Variants in NRXN3 observed in about 807,000 individuals in gnomAD.
NRXN3 encodes the protein neurexin 3, also known as neurexin III.
Under a neutral mutation model 137.6 loss-of-function variants are expected in NRXN3, and 32 were observed. The observed-to-expected ratio is 0.23, with a 90% confidence interval of 0.18 to 0.31. The LOEUF is 0.31. NRXN3 is among the 10% of genes least tolerant of loss of function. NRXN3 has a pLI of 1.00. For missense variants in NRXN3, 1,574 were observed against 2,062.5 expected, an observed-to-expected ratio of 0.76 and a Z score of 4.59; for synonymous variants, 798 against 784.5, an observed-to-expected ratio of 1.02 and a Z score of -0.29.
intron 15 of NRXN3, among the ~76,000 whole-genome samples, chr14:79,318,915 G>A (rs973204207): frequency 6.6e-6 from 1 of 151,906 alleles, no homozygotes; most frequent in African/African-American, 2.4e-5. Context: ...CTTCCTTGTG[G>A]TTCATACCCT....
At chr14:78,187,809 G>A (rs2060368743) in intron 1 of NRXN3, among the ~76,000 whole-genome samples, 3 of 148,658 alleles carry the variant, frequency 2.0e-5, no homozygotes, top group Admixed American at 6.7e-5. Context: ...GAGGTTGGGT[G>A]GGGATGTGGG....
intron 16 of NRXN3, among the ~76,000 whole-genome samples, chr14:79,490,087 G>A (rs943149807): frequency 2.7e-5 from 4 of 145,922 alleles, no homozygotes; most frequent in Non-Finnish European, 6.0e-5. Context: ...TCATTAGAAA[G>A]CTCCAAGTGA....
intron 16 of NRXN3, among the ~76,000 whole-genome samples, chr14:79,504,977 G>C (rs113002204): frequency 1.3e-5 from 2 of 152,132 alleles, no homozygotes; most frequent in Non-Finnish European, 2.9e-5. Flanking sequence ...CACTTTGGGA[G>C]GCCCAGGTGG....
intron 10 of NRXN3, among the ~76,000 whole-genome samples, chr14:78,874,965 AG>A (rs1371721776): frequency 2.0e-5 from 3 of 152,202 alleles, no homozygotes; most frequent in Non-Finnish European, 4.4e-5. Context: ...GACTTTAGAG[AG>A]GACAGACTTG....
At chr14:78,290,205 T>G (rs1268046960) in intron 3 of NRXN3, among the ~76,000 whole-genome samples, 1 of 152,236 alleles carries the variant, frequency 6.6e-6, no homozygotes, top group South Asian at 2.1e-4. Flanking sequence ...AGGATTGCAC[T>G]TAAGTGCCAA....
intron 15 of NRXN3, among the ~76,000 whole-genome samples, chr14:79,420,123 G>T (rs1011924338): frequency 4.7e-4 from 72 of 152,148 alleles, no homozygotes; most frequent in African/African-American, 1.7e-3. Flanking sequence ...TAGGAACTGA[G>T]AATGCAAATA....
intron 15 of NRXN3, among the ~76,000 whole-genome samples, chr14:78,995,502 CT>C (rs1366629887): frequency 5.9e-5 from 9 of 152,112 alleles, no homozygotes; most frequent in Admixed American, 5.2e-4. Context: ...AATTACAGTG[CT>C]TCTAAAGTGC....
intron 10 of NRXN3, among the ~76,000 whole-genome samples, chr14:78,818,765 C>T (rs1286666096): frequency 6.6e-6 from 1 of 152,100 alleles, no homozygotes; most frequent in Admixed American, 6.6e-5. Context: ...ATTTATACTG[C>T]AAATTTCCAA....
chr14:79,124,846 C>G (rs1183230191), intron 15 of NRXN3, among the ~76,000 whole-genome samples: 1 of 151,984 alleles, frequency 6.6e-6, no homozygotes, highest in Non-Finnish European at 1.5e-5. Flanking sequence ...AGCAATGATT[C>G]TCTAAATTTT....
Position 79,263,774 on chromosome 14 carries a change from A to G in NRXN3, c.3263-203447A>G, listed in dbSNP as rs1282125504. ...CAAAGTAAATTGAATATAGTTTTGG[A>G]AAGGAGTTTTTATCTTATCCTACCA... On this transcript the variant is annotated intron_variant, in intron 15 of 20. Transcript: ENST00000335750. 2.6e-5 allele frequency among the ~76,000 whole-genome samples: 4 copies of G among 152,172 alleles called. 1 individual carries two copies. Among genetic ancestry groups the G allele is most frequent in the South Asian group, 4.1e-4 (2 of 4,828 alleles).
chr14:78,210,735 T>C (rs2153411431), intron 1 of NRXN3, among the ~76,000 whole-genome samples: 1 of 152,342 alleles, frequency 6.6e-6, no homozygotes, highest in African/African-American at 2.4e-5. Flanking sequence ...TTATGGACTT[T>C]TCTGTTTCCA....
At chr14:79,519,110 T>C (rs190968126) in intron 16 of NRXN3, among the ~76,000 whole-genome samples, 2 of 152,260 alleles carry the variant, frequency 1.3e-5, no homozygotes, top group African/African-American at 4.8e-5. Context: ...ATTTCATCAA[T>C]GGAAATGAAT....
chr14:78,620,397 C>T (rs1269131585), intron 4 of NRXN3, among the ~76,000 whole-genome samples: 1 of 152,116 alleles, frequency 6.6e-6, no homozygotes, highest in Non-Finnish European at 1.5e-5. Flanking sequence ...CTGATTTATT[C>T]CCCCTCCTCC....
At chr14:79,057,468 T>C (rs1228653607) in intron 15 of NRXN3, among the ~76,000 whole-genome samples, 3 of 152,148 alleles carry the variant, frequency 2.0e-5, no homozygotes, top group African/African-American at 7.2e-5. Flanking sequence ...AATGGCACTA[T>C]AAACAAAATG....
intron 15 of NRXN3, among the ~76,000 whole-genome samples, chr14:78,990,361 A>ATTTTTTTTTTTTTTTTTT (rs1163720240): frequency 1.3e-5 from 1 of 76,070 alleles, no homozygotes; most frequent in Admixed American, 2.0e-4. Flanking sequence ...GTTCACATCT[A>ATTTTTTTTTTTTTTTTTT]TTTTTTTTTT....
intron 8 of NRXN3, among the ~76,000 whole-genome samples, chr14:78,731,203 G>C (rs1163417155): frequency 6.6e-6 from 1 of 151,954 alleles, no homozygotes; most frequent in Non-Finnish European, 1.5e-5. Context: ...CTGTTATTCT[G>C]TCTTCATAAA....
At chr14:79,709,474 T>C (rs1263696109) in intron 19 of NRXN3, among the ~76,000 whole-genome samples, 1 of 152,172 alleles carries the variant, frequency 6.6e-6, no homozygotes, top group Non-Finnish European at 1.5e-5. Flanking sequence ...CCAAGGCAGA[T>C]GGAAAAAAAC....
intron 16 of NRXN3, among the ~76,000 whole-genome samples, chr14:79,642,901 C>A (rs2098439198): frequency 7.3e-6 from 1 of 136,128 alleles, no homozygotes; most frequent in African/African-American, 2.4e-5. Context: ...TGCTTTGCAG[C>A]CAGGCAAGTA....
chr14:78,418,446 C>T (rs1257478798), intron 4 of NRXN3, among the ~76,000 whole-genome samples: 1 of 152,018 alleles, frequency 6.6e-6, no homozygotes, highest in African/African-American at 2.4e-5. Context: ...AGAATGCATT[C>T]CCACATTGGT....
Sources: allele counts gnomAD v4.1 joint callset (sites outside exome capture counted in the v4.1 genomes callset), GRCh38; gene constraint gnomAD v4.1.1; transcripts MANE v1.5; gene names NCBI Gene and HGNC (gene_info 2026-07-23, HGNC 2026-07-21).